The following KSR2 variants were observed in gnomAD, a reference collection of about 807,000 sequenced individuals.
KSR2 encodes kinase suppressor of ras 2.
In KSR2, 25 loss-of-function variants were observed where a neutral mutation model predicts 107.8. The ratio of observed to expected loss-of-function variants is 0.23; its 90% CI spans 0.17 to 0.32. KSR2 has a LOEUF of 0.32. KSR2 is among the 10% of genes least tolerant of loss of function. The pLI is 1.00. For missense variants in KSR2, 887 were observed against 1,268.9 expected (o/e 0.70, Z 4.57); for synonymous variants, 480 against 507.0 (o/e 0.95, Z 0.71).
chr12:117,655,446 G>A (rs529097595), intron 5 of KSR2, among the ~76,000 whole-genome samples: 60 of 152,270 alleles, frequency 3.9e-4, no homozygotes, highest in Middle Eastern at 6.8e-3. Context: ...CAGGACTGGG[G>A]CAAAGTTCTC....
chr12:117,770,768 C>T (rs538975479), intron 3 of KSR2, among the ~76,000 whole-genome samples: 35 of 151,758 alleles, frequency 2.3e-4, no homozygotes, highest in South Asian at 4.2e-4. Flanking sequence ...GAGATCGAGA[C>T]CATCCTGGCT....
intron 7 of KSR2, among the ~76,000 whole-genome samples, chr12:117,567,308 T>C (rs2136205428): frequency 6.6e-6 from 1 of 151,924 alleles, no homozygotes; most frequent in East Asian, 1.9e-4. Context: ...GCAGTAGCAA[T>C]GGGGTGCAAA....
intron 3 of KSR2, among the ~76,000 whole-genome samples, chr12:117,810,721 C>T (rs1891162242): frequency 6.6e-6 from 1 of 152,184 alleles, no homozygotes; most frequent in South Asian, 2.1e-4. Flanking sequence ...ACAGATGCTG[C>T]AGTATGAAGA....
At chr12:117,572,698 T>C (rs1031277004) in intron 7 of KSR2, among the ~76,000 whole-genome samples, 27 of 128,774 alleles carry the variant, frequency 2.1e-4, no homozygotes, top group Non-Finnish European at 8.0e-5. Flanking sequence ...CTCCAGCCCA[T>C]TAAAAAAAAA....
Position 117,581,872 on chromosome 12 carries a change from T to C in KSR2, c.1241+418A>G, listed in dbSNP as rs574727824. ...TTAATCTTCAGAATGATACTGTTTA[T>C]TAAGTGTTTGTTATGTGCCAGGCCC... On this transcript the variant is annotated intron_variant, in intron 6 of 19. Transcript: ENST00000339824. 2.0e-5 allele frequency among the ~76,000 whole-genome samples: 3 copies of C among 152,350 alleles called. No individual in the cohort carries two copies. The East Asian group carries it at 5.8e-4, about 29-fold the overall frequency.
rs1895362556 is a variant in KSR2 at position 117,922,041 on chromosome 12, ACT to A, written c.180+46033_180+46034del. Among the ~76,000 whole-genome samples, 3 of 152,070 alleles carry A rather than the reference ACT, an allele frequency of 2.0e-5. 1 individual carries two copies. Among genetic ancestry groups the A allele is most frequent in the Admixed American group, 2.0e-4 (3 of 15,260 alleles). The stretch of plus-strand genomic sequence containing the variant: ...TAAATGTAAACAAAGCATGATGAAG[ACT>A]CTAATAGAAGCAGTCCCCAGACAGA... On this transcript the variant is annotated intron_variant, in intron 1 of 19. Coordinates refer to ENST00000339824, the MANE Select transcript of KSR2 (RefSeq NM_173598.6).
chr12:117,508,875 T>A (rs563852667), intron 14 of KSR2, among the ~76,000 whole-genome samples: 1 of 147,476 alleles, frequency 6.8e-6, no homozygotes, highest in Admixed American at 6.8e-5. Context: ...GGTAGATGGA[T>A]AGATGGGTGG....
At chr12:117,784,678 G>A (rs1010515736) in intron 3 of KSR2, among the ~76,000 whole-genome samples, 1 of 151,964 alleles carries the variant, frequency 6.6e-6, no homozygotes. Context: ...CAATGAGAAG[G>A]CCAGTCATTC....
chr12:117,812,807 A>G (rs1891239672), intron 3 of KSR2, among the ~76,000 whole-genome samples: 1 of 147,154 alleles, frequency 6.8e-6, no homozygotes, highest in African/African-American at 2.6e-5. Flanking sequence ...AAAAATCCTA[A>G]AATCTGTGTG....
In KSR2 at chr12:117,823,303, G is replaced by A. The variant is rs566598026; in HGVS notation, c.472+32125C>T. On this transcript the variant is annotated intron_variant, in intron 3 of 19. Transcript: ENST00000339824. Reference sequence around the variant, plus strand: ...CAAGTCCAGAAGACACTGAAGGGGAGCAAGAATGGATGCAAGGAGGCCAGA... The same window carrying A: ...CAAGTCCAGAAGACACTGAAGGGGAACAAGAATGGATGCAAGGAGGCCAGA... Among the ~76,000 whole-genome samples the A allele has an allele frequency of 3.3e-5, 5 of 152,264 alleles. No individual in the cohort carries two copies. The South Asian group carries it at 8.3e-4, about 25-fold the overall frequency.
chr12:117,567,827 T>C (rs537673248), intron 7 of KSR2, among the ~76,000 whole-genome samples: 3 of 149,642 alleles, frequency 2.0e-5, no homozygotes, highest in African/African-American at 7.6e-5. Flanking sequence ...AAGTGCAGGA[T>C]ATCAAAACCA....
chr12:117,562,324 GC>G (rs1416089203), intron 7 of KSR2, among the ~76,000 whole-genome samples: 9 of 152,210 alleles, frequency 5.9e-5, no homozygotes, highest in Non-Finnish European at 7.3e-5. Flanking sequence ...ATCTGCAGGT[GC>G]TGTGAAGCCA....
At chr12:117,681,983 G>A (rs1465779449) in intron 4 of KSR2, among the ~76,000 whole-genome samples, 2 of 152,128 alleles carry the variant, frequency 1.3e-5, no homozygotes, top group Non-Finnish European at 2.9e-5. Context: ...GTTCACTACA[G>A]CACTATTCAC....
At chr12:117,880,406 C>T (rs951383928) in intron 1 of KSR2, among the ~76,000 whole-genome samples, 1 of 152,046 alleles carries the variant, frequency 6.6e-6, no homozygotes. Flanking sequence ...TGGGGAGTTT[C>T]TTCTAAATCT....
chr12:117,551,951 G>A (rs1240360724), intron 9 of KSR2, among the ~76,000 whole-genome samples: 1 of 152,150 alleles, frequency 6.6e-6, no homozygotes, highest in African/African-American at 2.4e-5. Context: ...TGCCTGTAAA[G>A]CCAGAGAGAA....
chr12:117,801,339 G>T (rs528253709), intron 3 of KSR2, among the ~76,000 whole-genome samples: 3 of 150,860 alleles, frequency 2.0e-5, no homozygotes, highest in South Asian at 2.1e-4. Flanking sequence ...ATATTGGCCA[G>T]GCTGATCTCA....
intron 7 of KSR2, among the ~76,000 whole-genome samples, chr12:117,560,556 G>A (rs1479913130): frequency 2.0e-5 from 3 of 152,170 alleles, no homozygotes; most frequent in Non-Finnish European, 4.4e-5. Flanking sequence ...CCCAGTTTTC[G>A]ACAGGTAGCA....
chr12:117,629,117 T>TTGGCTAGGAA (rs1882682584), intron 5 of KSR2, among the ~76,000 whole-genome samples: 1 of 152,214 alleles, frequency 6.6e-6, no homozygotes, highest in Non-Finnish European at 1.5e-5. Context: ...ATGGCTTCCC[T>TTGGCTAGGAA]TGGCTAGGAA....
At chr12:117,927,847 T>A (rs1158764042) in intron 1 of KSR2, among the ~76,000 whole-genome samples, 1 of 152,138 alleles carries the variant, frequency 6.6e-6, no homozygotes, top group African/African-American at 2.4e-5. Context: ...AAAATATACA[T>A]AACATAAAAT....
Sources: gnomAD v4.1 joint callset for allele counts (sites outside exome capture counted in the v4.1 genomes callset) on GRCh38, gnomAD v4.1.1 for gene constraint, MANE v1.5 for transcripts, NCBI Gene and HGNC (gene_info 2026-07-23, HGNC 2026-07-21) for gene names.